Variants in COL5A2 observed in about 807,000 individuals in gnomAD.
COL5A2 encodes collagen alpha-2(V) chain.
A neutral mutation model predicts 208.2 loss-of-function variants in COL5A2; 23 were observed. The ratio of observed to expected loss-of-function variants is 0.11; its 90% CI spans 0.08 to 0.16. The LOEUF (loss-of-function observed/expected upper bound fraction) is 0.16, where lower values mean the gene tolerates loss of function less well. Among genes scored for constraint, COL5A2 ranks in the 10% least tolerant of loss-of-function variants. COL5A2 has a pLI of 1.00. For missense variants in COL5A2, 1,590 were observed against 1,956.4 expected, an observed-to-expected ratio of 0.81 and a Z score of 3.53; for synonymous variants, 625 against 628.5, an observed-to-expected ratio of 0.99 and a Z score of 0.08.
At chr2:189,296,940 C>T in the COL5A2 span, among the ~76,000 whole-genome samples, 2 of 152,296 alleles carry the variant, frequency 1.3e-5, no homozygotes, top group African/African-American at 4.8e-5. Context: ...GATTCTGCCA[C>T]CAATTTCTAG....
the COL5A2 span, among the ~76,000 whole-genome samples, chr2:189,256,375 G>C: frequency 6.6e-6 from 1 of 152,160 alleles, no homozygotes; most frequent in Admixed American, 6.5e-5. Flanking sequence ...GCCACCAGCA[G>C]TATTACCCAA....
At chr2:189,064,400 AT>A (rs956472237) in intron 25 of COL5A2, among the ~76,000 whole-genome samples, 156 bp downstream of exon 25, 18 of 152,302 alleles carry the variant, frequency 1.2e-4, no homozygotes, top group African/African-American at 4.3e-4. Context: ...ACAAACCAGT[AT>A]TTTTTAAAAT....
At chr2:189,190,161 C>T (rs1162626395) in intron 1 of COL5A2, among the ~76,000 whole-genome samples, 1 of 152,116 alleles carries the variant, frequency 6.6e-6, no homozygotes, top group African/African-American at 2.4e-5. Flanking sequence ...AGGTTTCATT[C>T]ACCAGTTGGA....
chr2:189,068,958 T>A, intron 18 of COL5A2, 74 bp from the exon 19 acceptor site: 1 of 1,092,344 alleles, frequency 9.2e-7, no homozygotes, highest in Non-Finnish European at 1.4e-6. Flanking sequence ...GACCGCTTAT[T>A]TGGAATTTTA....
At chr2:189,337,662 G>A in the COL5A2 span, among the ~76,000 whole-genome samples, 2 of 151,848 alleles carry the variant, frequency 1.3e-5, no homozygotes, top group African/African-American at 4.8e-5. Context: ...GAACAGAAGG[G>A]GTTACAATCT....
At chr2:189,169,877 C>G (rs1688539699) in intron 1 of COL5A2, among the ~76,000 whole-genome samples, 3 of 152,136 alleles carry the variant, frequency 2.0e-5, no homozygotes, top group Admixed American at 2.0e-4. Context: ...GCCACCATGC[C>G]CAGCTAATTT....
At chr2:189,261,902 C>T in the COL5A2 span, among the ~76,000 whole-genome samples, 2 of 152,224 alleles carry the variant, frequency 1.3e-5, no homozygotes, top group South Asian at 2.1e-4. Flanking sequence ...ATTTCAAATA[C>T]AGAGAGGTAG....
chr2:189,416,859 T>C, the COL5A2 span, among the ~76,000 whole-genome samples: 2 of 152,176 alleles, frequency 1.3e-5, no homozygotes, highest in African/African-American at 4.8e-5. Flanking sequence ...ATATTCTTTG[T>C]CTTTTTTTAT....
intron 17 of COL5A2, among the ~76,000 whole-genome samples, chr2:189,072,736 C>T (rs1252760876): frequency 7.3e-6 from 1 of 137,754 alleles, no homozygotes; most frequent in Non-Finnish European, 1.5e-5. Context: ...CACGCCATTG[C>T]ACTCCAACCT....
At chr2:189,062,836 TCA>T (rs752418883) in intron 29 of COL5A2, 27 bp downstream of exon 29, 69 of 1,600,130 alleles carry the variant, frequency 4.3e-5, no homozygotes, top group Non-Finnish European at 5.1e-5. Flanking sequence ...ATATATATTC[TCA>T]CACACACACA....
At chr2:189,424,334 C>T in the COL5A2 span, among the ~76,000 whole-genome samples, 26 of 151,998 alleles carry the variant, frequency 1.7e-4, no homozygotes, top group Non-Finnish European at 2.6e-4. Flanking sequence ...TCTAATGAGC[C>T]GTTAGGCAAA....
At chr2:189,360,746 G>A in the COL5A2 span, among the ~76,000 whole-genome samples, 67 of 152,226 alleles carry the variant, frequency 4.4e-4, 1 homozygote, top group African/African-American at 1.6e-3. Context: ...ACATGCGTTA[G>A]CTATTTATCC....
upstream of COL5A2, among the ~76,000 whole-genome samples, chr2:189,226,366 T>A (rs1289350878): frequency 6.6e-6 from 1 of 152,148 alleles, no homozygotes; most frequent in Non-Finnish European, 1.5e-5. Flanking sequence ...TATGGGCTAA[T>A]TCTGTTTATG....
chr2:189,179,545 T>C lies in COL5A2; in HGVS notation c.60A>G (p.Gln20=), dbSNP rs1688744100. The C allele has an allele frequency of 6.2e-7, 1 of 1,611,480 alleles. No homozygotes were observed. Among genetic ancestry groups the C allele is most frequent in the Admixed American group, 1.7e-5 (1 of 59,764 alleles). The part of the protein sequence containing the change: ...PLLILIVLLG[Q]FVSIKAQEED... ...CTTCCTGGGCTTTTATTGAGACAAATTGCCCTAATAAAACAATAAGAATGA... is the reference window on the plus strand; with the variant it reads ...CTTCCTGGGCTTTTATTGAGACAAACTGCCCTAATAAAACAATAAGAATGA... Residue 20 remains glutamine (Q), a synonymous_variant, in exon 1 of 54, where the codon CAA becomes CAG. Coordinates refer to ENST00000374866, the MANE Select transcript of COL5A2 (RefSeq NM_000393.5).
the COL5A2 span, among the ~76,000 whole-genome samples, chr2:189,350,051 T>G: frequency 6.6e-6 from 1 of 152,154 alleles, no homozygotes; most frequent in East Asian, 1.9e-4. Context: ...ATATTTATTC[T>G]TCACTTATCA....
At chr2:189,058,790 A>C in intron 32 of COL5A2, 59 bp downstream of exon 32, 1 of 1,439,990 alleles carries the variant, frequency 6.9e-7, no homozygotes, top group Non-Finnish European at 9.7e-7. Context: ...TTTAAAAGAC[A>C]CCTTTTAAAA....
At chr2:189,245,096 C>T in the COL5A2 span, among the ~76,000 whole-genome samples, 1 of 152,172 alleles carries the variant, frequency 6.6e-6, no homozygotes, top group Non-Finnish European at 1.5e-5. Flanking sequence ...CCCACTGGGT[C>T]CTTTCCACAA....
intron 52 of COL5A2, 54 bp downstream of exon 52, chr2:189,036,562 G>T (rs557712823): frequency 2.4e-4 from 330 of 1,403,060 alleles, no homozygotes; most frequent in Non-Finnish European, 2.9e-4. Flanking sequence ...TCAAAAATAT[G>T]TAATAAGTAG....
At chr2:189,347,990 T>G in the COL5A2 span, among the ~76,000 whole-genome samples, 1 of 152,122 alleles carries the variant, frequency 6.6e-6, no homozygotes, top group Non-Finnish European at 1.5e-5. Context: ...TTAATTTAAC[T>G]GTTGCCAGCT....
Sources: allele counts gnomAD v4.1 joint callset (sites outside exome capture counted in the v4.1 genomes callset), GRCh38; gene constraint gnomAD v4.1.1; transcripts MANE v1.5; gene names NCBI Gene and HGNC (gene_info 2026-07-23, HGNC 2026-07-21).